MARCHF1: variants seen among roughly 807,000 people sequenced by gnomAD.
MARCHF1 encodes the protein membrane associated ring-CH-type finger 1, also known as E3 ubiquitin-protein ligase MARCHF1.
MARCHF1 carries 40 observed loss-of-function variants against 54.2 expected under a neutral mutation model. The ratio of observed to expected loss-of-function variants is 0.74; its 90% CI spans 0.57 to 0.96. The LOEUF is 0.96. Ranked by LOEUF, MARCHF1 falls within the 40% of genes least tolerant of loss-of-function variation. The pLI, the probability that MARCHF1 is intolerant of heterozygous loss-of-function variation, is 0.00. For missense variants in MARCHF1, 586 were observed against 656.5 expected, an observed-to-expected ratio of 0.89 and a Z score of 1.17; for synonymous variants, 236 against 236.3, an observed-to-expected ratio of 1.00 and a Z score of 0.01.
chr4:163,702,732 T>C (rs72993142), intron 4 of MARCHF1, among the ~76,000 whole-genome samples: 1,912 of 152,304 alleles, frequency 0.013, 45 homozygotes, highest in African/African-American at 0.042. Flanking sequence ...AAGCATCTGA[T>C]TGATTATTTA....
intron 4 of MARCHF1, among the ~76,000 whole-genome samples, chr4:163,842,309 T>C (rs577592923): frequency 6.6e-6 from 1 of 152,150 alleles, no homozygotes; most frequent in Admixed American, 6.6e-5. Flanking sequence ...AAATGGGGAA[T>C]ACAGTATCTA....
rs1731948378 is a variant in MARCHF1, at chr4:164,216,839, C to T, written c.-322-105177G>A. 2.0e-5 allele frequency among the ~76,000 whole-genome samples: 3 copies of T among 152,174 alleles called. No homozygotes were observed. The South Asian group carries it at 6.2e-4, about 31-fold the overall frequency. ...TGACTTTACAAACATAATAACATTTCCATCGTTCTCTGTTGTCTGCAAAGG... is the reference window on the plus strand; with the variant it reads ...TGACTTTACAAACATAATAACATTTTCATCGTTCTCTGTTGTCTGCAAAGG... On this transcript the variant is annotated intron_variant, in intron 1 of 9. Coordinates refer to ENST00000514618, the MANE Select transcript of MARCHF1 (RefSeq NM_001394959.1).
At chr4:164,159,948 A>G (rs1414375136) in intron 1 of MARCHF1, among the ~76,000 whole-genome samples, 3 of 152,058 alleles carry the variant, frequency 2.0e-5, no homozygotes, top group Admixed American at 6.6e-5. Context: ...GACCTATAAA[A>G]TGTCTTTAGA....
chr4:163,946,528 G>A (rs1752030071), intron 3 of MARCHF1, among the ~76,000 whole-genome samples: 1 of 152,102 alleles, frequency 6.6e-6, no homozygotes, highest in Non-Finnish European at 1.5e-5. Flanking sequence ...CCCCAGGAAT[G>A]TTTCCTGATT....
intron 2 of MARCHF1, among the ~76,000 whole-genome samples, chr4:164,058,328 T>A (rs1165743278): frequency 3.9e-5 from 6 of 152,192 alleles, no homozygotes; most frequent in Non-Finnish European, 8.8e-5. Flanking sequence ...AAAGCCAATG[T>A]CCACTGATGT....
intron 4 of MARCHF1, among the ~76,000 whole-genome samples, chr4:163,844,489 TA>T (rs1354104976): frequency 2.0e-4 from 30 of 152,272 alleles, no homozygotes; most frequent in African/African-American, 7.2e-4. Context: ...AGTTATAAAT[TA>T]TTTGCCAAGG....
At chr4:164,316,485 C>G (rs1032900980) in intron 1 of MARCHF1, among the ~76,000 whole-genome samples, 4 of 151,864 alleles carry the variant, frequency 2.6e-5, no homozygotes, top group African/African-American at 7.3e-5. Flanking sequence ...ATTGTGCTTC[C>G]TATAAAAAGG....
At chr4:164,108,955 G>T (rs1379090096) in intron 2 of MARCHF1, among the ~76,000 whole-genome samples, 1 of 151,998 alleles carries the variant, frequency 6.6e-6, no homozygotes, top group Non-Finnish European at 1.5e-5. Flanking sequence ...AATTAGTTCA[G>T]CTCCCAGGGC....
At chr4:163,934,290 T>G (rs551167347) in intron 3 of MARCHF1, among the ~76,000 whole-genome samples, 1 of 150,926 alleles carries the variant, frequency 6.6e-6, no homozygotes, top group Non-Finnish European at 1.5e-5. Flanking sequence ...AACCACTACA[T>G]TATTTGCTTA....
intron 7 of MARCHF1, among the ~76,000 whole-genome samples, chr4:163,592,514 C>T (rs1410777059): frequency 6.6e-6 from 1 of 151,220 alleles, no homozygotes; most frequent in East Asian, 1.9e-4. Flanking sequence ...TAATCAGCCA[C>T]ATTTTTTTTT....
chr4:164,331,885 T>C (rs910341622), intron 1 of MARCHF1, among the ~76,000 whole-genome samples: 2 of 152,202 alleles, frequency 1.3e-5, no homozygotes, highest in African/African-American at 4.8e-5. Context: ...AACTTCCATG[T>C]GCTTATCGTT....
intron 3 of MARCHF1, among the ~76,000 whole-genome samples, chr4:163,947,748 A>G (rs926732233): frequency 2.0e-5 from 3 of 152,220 alleles, no homozygotes; most frequent in Non-Finnish European, 2.9e-5. Flanking sequence ...GGAAACTAGT[A>G]GCGTAGCTTA....
At chr4:164,088,774 C>T (rs1307054430) in intron 2 of MARCHF1, among the ~76,000 whole-genome samples, 1 of 151,830 alleles carries the variant, frequency 6.6e-6, no homozygotes, top group Non-Finnish European at 1.5e-5. Flanking sequence ...AAATAAGTAA[C>T]CAAATAAGTG....
At chr4:163,627,917 A>G (rs562716627) in intron 5 of MARCHF1, among the ~76,000 whole-genome samples, 5 of 152,134 alleles carry the variant, frequency 3.3e-5, no homozygotes, top group Admixed American at 6.5e-5. Context: ...ACCTTACCAG[A>G]TGTTAAAAAT....
chr4:163,842,657 A>AG (rs1327844645), intron 4 of MARCHF1, among the ~76,000 whole-genome samples: 1 of 152,188 alleles, frequency 6.6e-6, no homozygotes, highest in Non-Finnish European at 1.5e-5. Context: ...TTAACGTGTC[A>AG]GGTGCTCATG....
intron 1 of MARCHF1, among the ~76,000 whole-genome samples, chr4:164,230,257 G>A (rs566545159): frequency 1.3e-5 from 2 of 152,090 alleles, no homozygotes; most frequent in Admixed American, 6.5e-5. Context: ...TTAGCTGAGT[G>A]TAGTACATGC....
intron 1 of MARCHF1, among the ~76,000 whole-genome samples, chr4:164,269,823 T>C (rs1268190250): frequency 2.6e-5 from 4 of 152,222 alleles, no homozygotes; most frequent in Non-Finnish European, 4.4e-5. Flanking sequence ...GTAACATCAT[T>C]TTGATTTTCT....
In MARCHF1 at chr4:163,715,341, G is replaced by T. The variant is rs1436477135; in HGVS notation, c.112-14478C>A. ...GCTCACTGCAAGCTCCACCTCCAGG[G>T]TTCACGCCATTCATCTGCCTCAGCC... On this transcript the variant is annotated intron_variant, in intron 4 of 9. Transcript: ENST00000514618. Among the ~76,000 whole-genome samples, 3 of 152,168 alleles carry T rather than the reference G, an allele frequency of 2.0e-5. No individual in the cohort carries two copies. The East Asian group carries it at 5.8e-4, about 30-fold the overall frequency.
chr4:164,154,510 T>C (rs1730025358), intron 1 of MARCHF1, among the ~76,000 whole-genome samples: 1 of 151,822 alleles, frequency 6.6e-6, no homozygotes, highest in Non-Finnish European at 1.5e-5. Context: ...AACAGGAGAG[T>C]TCCCTGACCC....
Sources: allele counts gnomAD v4.1 joint callset (sites outside exome capture counted in the v4.1 genomes callset), GRCh38; gene constraint gnomAD v4.1.1; transcripts MANE v1.5; gene names NCBI Gene and HGNC (gene_info 2026-07-23, HGNC 2026-07-21).